The following FGF13 variants were observed in gnomAD, a reference collection of about 807,000 sequenced individuals.
FGF13 encodes the protein fibroblast growth factor homologous factor 2.
FGF13 carries 2 observed loss-of-function variants against 19.5 expected under a neutral mutation model. The observed-to-expected ratio is 0.10, with a 90% CI of 0.04 to 0.32. The LOEUF is 0.32. Ranked by LOEUF, FGF13 falls within the 10% of genes least tolerant of loss-of-function variation. FGF13 has a pLI of 1.00. For missense variants in FGF13, 113 were observed against 192.7 expected, an observed-to-expected ratio of 0.59 and a Z score of 2.45; for synonymous variants, 72 against 76.9, an observed-to-expected ratio of 0.94 and a Z score of 0.33.
intron 1 of FGF13, among the ~76,000 whole-genome samples, chrX:139,045,139 C>A (rs1603155020): frequency 8.9e-6 from 1 of 112,527 alleles, no homozygotes; most frequent in South Asian, 3.7e-4. Flanking sequence ...AGGCTTAACA[C>A]CACATGAAAA....
At chrX:138,888,318 C>T (rs954782651) in intron 1 of FGF13, among the ~76,000 whole-genome samples, 1 of 111,846 alleles carries the variant, frequency 8.9e-6, no homozygotes, top group African/African-American at 3.3e-5. Context: ...GGCCAGAACT[C>T]CACCTCAGTC....
intron 1 of FGF13, among the ~76,000 whole-genome samples, chrX:139,105,232 TGACATCTATA>T (rs2083551257): frequency 9.0e-6 from 1 of 111,074 alleles, no homozygotes; most frequent in South Asian, 3.8e-4. Context: ...ATGCTACAAT[TGACATCTATA>T]GACCATGAGG....
At chrX:139,150,350 C>T (rs1054015488) in intron 1 of FGF13, among the ~76,000 whole-genome samples, 2 of 112,112 alleles carry the variant, frequency 1.8e-5, no homozygotes, top group Admixed American at 1.9e-4. Context: ...CTTTAAAAAA[C>T]CAAAGTAGTG....
chrX:138,692,460 C>A (rs371866768), intron 3 of FGF13, among the ~76,000 whole-genome samples: 16 of 106,139 alleles, frequency 1.5e-4, no homozygotes, highest in African/African-American at 5.2e-4. Context: ...AAAACAACGT[C>A]TTCACCAAGA....
chrX:138,776,650 G>C (rs899187335), intron 3 of FGF13, among the ~76,000 whole-genome samples: 1 of 112,094 alleles, frequency 8.9e-6, no homozygotes, highest in Admixed American at 9.4e-5. Context: ...CATCGGCTAA[G>C]AATGTCCTCA....
chrX:138,753,466 C>A (rs2090411253), intron 3 of FGF13, among the ~76,000 whole-genome samples: 1 of 112,249 alleles, frequency 8.9e-6, no homozygotes. Context: ...CAGGATAGAT[C>A]TGATTAATCA....
intron 1 of FGF13, among the ~76,000 whole-genome samples, chrX:138,934,379 C>T (rs781657454): frequency 8.9e-6 from 1 of 112,120 alleles, no homozygotes; most frequent in Admixed American, 9.4e-5. Context: ...GAACATTCTT[C>T]CCCATATGAT....
intron 3 of FGF13, among the ~76,000 whole-genome samples, chrX:138,683,032 T>TA (rs2089744385): frequency 9.0e-6 from 1 of 111,129 alleles, no homozygotes; most frequent in Non-Finnish European, 1.9e-5. Context: ...CTATCAAGTA[T>TA]AAAAAATGTT....
intron 1 of FGF13, among the ~76,000 whole-genome samples, chrX:139,105,980 G>A (rs1257310547): frequency 4.5e-5 from 5 of 112,081 alleles, no homozygotes. Context: ...AAAAACATAT[G>A]GTATGCTTGA....
At chrX:138,969,570 GA>G (rs1024957987) in intron 1 of FGF13, among the ~76,000 whole-genome samples, 9 of 111,759 alleles carry the variant, frequency 8.1e-5, no homozygotes, top group African/African-American at 2.9e-4. Context: ...TCACATTTAT[GA>G]AATTTCTCAT....
intron 1 of FGF13, among the ~76,000 whole-genome samples, chrX:138,896,179 T>A (rs1398069078): frequency 1.8e-5 from 2 of 111,924 alleles, no homozygotes; most frequent in African/African-American, 3.2e-5. Context: ...ATGGTAAGTA[T>A]ATGAGATGAT....
chrX:138,768,760 C>G (rs1186248279), intron 3 of FGF13, among the ~76,000 whole-genome samples: 2 of 97,751 alleles, frequency 2.0e-5, no homozygotes, highest in African/African-American at 8.4e-5. Context: ...TATATAATTT[C>G]ACAAGTGGCC....
intron 1 of FGF13, among the ~76,000 whole-genome samples, chrX:138,919,986 G>A (rs191174624): frequency 1.8e-5 from 2 of 110,906 alleles, no homozygotes; most frequent in East Asian, 5.6e-4. Flanking sequence ...CTGTGTATTT[G>A]TTTGCAATCT....
intron 3 of FGF13, among the ~76,000 whole-genome samples, chrX:138,748,824 T>G (rs1411650097): frequency 2.7e-5 from 3 of 111,265 alleles, no homozygotes; most frequent in Non-Finnish European, 5.7e-5. Flanking sequence ...AATTTAAGAG[T>G]AGATATCATG....
At position 139,112,996 on chromosome X, in the gene FGF13, G is replaced by A. The variant is rs948282390; in HGVS notation, c.-113+90420C>T. ...AGTGTGTGTGTGTGTGTGTGTGTGT[G>A]TGTGTGTGTGTGTGTGTGTGTGTTT... On this transcript the variant is annotated intron_variant, in intron 1 of 2. Transcript: ENST00000421460. 1.3e-4 allele frequency among the ~76,000 whole-genome samples: 14 copies of A among 108,655 alleles called. No individual in the cohort carries two copies. In the East Asian group the frequency reaches 3.8e-3, roughly 29 times the overall value. 94.4% of individuals were successfully genotyped at this position (108,655 alleles called of 115,157 possible). A position where few individuals can be genotyped will look rare whatever the true frequency, so the allele number is the denominator to read the frequency against.
At chrX:139,169,874 T>C (rs928579989) in intron 1 of FGF13, among the ~76,000 whole-genome samples, 2 of 111,520 alleles carry the variant, frequency 1.8e-5, no homozygotes, top group African/African-American at 3.3e-5. Context: ...CCCAGCAGCA[T>C]GGAGGGCAAA....
chrX:138,708,181 C>T (rs995674426), intron 2 of FGF13, among the ~76,000 whole-genome samples: 2 of 112,388 alleles, frequency 1.8e-5, no homozygotes, highest in African/African-American at 3.2e-5. Flanking sequence ...GGTTACGTAA[C>T]ATCTTGGAAT....
intron 1 of FGF13, among the ~76,000 whole-genome samples, chrX:139,179,479 T>C (rs2084222316): frequency 9.3e-6 from 1 of 108,033 alleles, no homozygotes; most frequent in African/African-American, 3.4e-5. Context: ...TGCAGAGGAA[T>C]TGGATTCACT....
intron 1 of FGF13, among the ~76,000 whole-genome samples, chrX:139,184,661 C>T (rs1418945351): frequency 8.9e-6 from 1 of 111,910 alleles, no homozygotes; most frequent in Non-Finnish European, 1.9e-5. Flanking sequence ...TACACACACA[C>T]ACACGAATGT....
Sources: allele counts gnomAD v4.1 joint callset (sites outside exome capture counted in the v4.1 genomes callset), GRCh38; gene constraint gnomAD v4.1.1; transcripts MANE v1.5; gene names NCBI Gene and HGNC (gene_info 2026-07-23, HGNC 2026-07-21).